The following FAM149B1 variants were observed in gnomAD, a reference collection of about 807,000 sequenced individuals.
FAM149B1 encodes family with sequence similarity 149 member B1.
In FAM149B1, 56 loss-of-function variants were observed where a neutral mutation model predicts 75.3. The observed-to-expected ratio is 0.74, with a 90% confidence interval of 0.60 to 0.93. FAM149B1 has a LOEUF of 0.93. FAM149B1 is among the 40% of genes least tolerant of loss of function. The probability of loss-of-function intolerance (pLI) is 0.00; values close to 1 mark genes in which losing one functional copy is unlikely to be tolerated. For synonymous variants in FAM149B1, 259 were observed against 256.1 expected (o/e 1.01, Z -0.11); for missense variants, 639 against 708.4 (o/e 0.90, Z 1.11).
chr10:73,204,482 A>G (rs968607930), intron 5 of FAM149B1, among the ~76,000 whole-genome samples: 2 of 152,218 alleles, frequency 1.3e-5, no homozygotes, highest in Non-Finnish European at 2.9e-5. Context: ...AAAAAAATGT[A>G]AAGAGCAATA....
Position 73,177,872 on chromosome 10 carries a change from C to G in FAM149B1, c.179C>G (p.Ser60Cys), listed in dbSNP as rs1749244375. Reference sequence around the variant, plus strand: ...AAGTCTGACATCACAAGAGAATCATCTTTTACATCAGCCGACACTGGGAAT... The same window carrying G: ...AAGTCTGACATCACAAGAGAATCATGTTTTACATCAGCCGACACTGGGAAT... ...QSKSDITRES[S>C]FTSADTGNSL... The change falls in exon 3 of 14, where the codon TCT (serine) becomes TGT (cysteine). Residue 60 changes from serine to cysteine, a missense_variant. Physicochemically the swap from Ser to Cys is moderately radical, Grantham distance 112. Transcript: ENST00000242505. 2 of 1,551,798 alleles carry G rather than the reference C, an allele frequency of 1.3e-6. No individual in the cohort carries two copies. The highest frequency in any genetic ancestry group is 1.7e-6 in the Non-Finnish European group (2 of 1,146,960).
At chr10:73,181,781 G>T (rs2042403163) in intron 3 of FAM149B1, among the ~76,000 whole-genome samples, 2 of 152,200 alleles carry the variant, frequency 1.3e-5, no homozygotes, top group East Asian at 1.9e-4. Flanking sequence ...TGCAGATTAA[G>T]TCTGATGTTT....
chr10:73,199,933 T>A (rs563340277), intron 5 of FAM149B1: 89 of 175,636 alleles, frequency 5.1e-4, no homozygotes, highest in Non-Finnish European at 8.2e-4. Flanking sequence ...TTGATAACTT[T>A]GATGATACAA....
intron 2 of FAM149B1, 48 bp from the exon 3 acceptor site, chr10:73,177,798 T>C (rs2133304804): frequency 6.6e-7 from 1 of 1,518,236 alleles, no homozygotes; most frequent in Non-Finnish European, 8.8e-7. Context: ...CTTGAGGACA[T>C]ATGAAAAATT....
At chr10:73,232,907 A>T in intron 9 of FAM149B1, 32 bp from the exon 10 acceptor site, 1 of 1,260,388 alleles carries the variant, frequency 7.9e-7, no homozygotes. Context: ...ACTGATCTTT[A>T]CTTCATTGTG....
At position 73,203,772 on chromosome 10, in the gene FAM149B1, T is replaced by C. The variant is rs1469675331; in HGVS notation, c.543-4847T>C. Among the ~76,000 whole-genome samples, 2 of 152,094 alleles carry C rather than the reference T, an allele frequency of 1.3e-5. 1 individual carries two copies. The highest frequency in any genetic ancestry group is 1.3e-4 in the Admixed American group (2 of 15,274). ...CTTCCACTTCAGCCTCCTGAGTAGC[T>C]GGGACTATAGGTGCATGCCACCATA... On this transcript the variant is annotated intron_variant, in intron 5 of 13. Transcript: ENST00000242505.
At chr10:73,200,589 A>G in intron 5 of FAM149B1, 1 of 721,832 alleles carries the variant, frequency 1.4e-6, no homozygotes, top group South Asian at 1.6e-5. Flanking sequence ...CAAGGGTTTA[A>G]GGATCAAATC....
chr10:73,211,549 T>A (rs1481674794), intron 7 of FAM149B1, among the ~76,000 whole-genome samples: 1 of 152,244 alleles, frequency 6.6e-6, no homozygotes, highest in Non-Finnish European at 1.5e-5. Flanking sequence ...TCATAGTGGG[T>A]CTGACTTATG....
intron 3 of FAM149B1, among the ~76,000 whole-genome samples, chr10:73,189,602 T>A (rs1236262549): frequency 6.6e-6 from 1 of 152,222 alleles, no homozygotes; most frequent in African/African-American, 2.4e-5. Flanking sequence ...ATAACATGAA[T>A]GAACCTCAAA....
intron 4 of FAM149B1, 22 bp downstream of exon 4, chr10:73,192,720 C>T (rs1287223802): frequency 2.7e-6 from 4 of 1,500,056 alleles, no homozygotes; most frequent in Non-Finnish European, 2.7e-6. Flanking sequence ...CTCCAGTTGA[C>T]TTGTATTCAT....
chr10:73,173,366 T>A (rs768035527), intron 1 of FAM149B1, among the ~76,000 whole-genome samples: 6 of 152,196 alleles, frequency 3.9e-5, no homozygotes, highest in Non-Finnish European at 8.8e-5. Flanking sequence ...TATGTGTGTA[T>A]ATAGTTCTTT....
chr10:73,244,043 C>A lies in FAM149B1; in HGVS notation c.*3024C>A. 1.3e-6 allele frequency: 1 copy of A among 785,888 alleles called. No homozygotes were observed. The highest frequency in any genetic ancestry group is 1.8e-5 in the South Asian group (1 of 56,652). 48.7% of individuals were successfully genotyped at this position (785,888 alleles called of 1,614,324 possible). A position where few individuals can be genotyped will look rare whatever the true frequency, so the allele number is the denominator to read the frequency against. On this transcript the variant is annotated 3_prime_UTR_variant, in exon 14 of 14. Coordinates refer to ENST00000242505, the MANE Select transcript of FAM149B1 (RefSeq NM_173348.2). Reference sequence around the variant, plus strand: ...TCAATTTTATGAATATATGAATAGACAAAATGAATCGAATTACATAACTAT... The same window carrying A: ...TCAATTTTATGAATATATGAATAGAAAAAATGAATCGAATTACATAACTAT...
chr10:73,194,032 A>G (rs2042739141), intron 5 of FAM149B1, among the ~76,000 whole-genome samples: 1 of 152,104 alleles, frequency 6.6e-6, no homozygotes, highest in African/African-American at 2.4e-5. Flanking sequence ...CTTATTATAA[A>G]GCTACCAGTT....
intron 3 of FAM149B1, chr10:73,192,155 C>A (rs925570461): frequency 3.2e-4 from 51 of 160,180 alleles, no homozygotes; most frequent in Admixed American, 1.1e-3. Flanking sequence ...CCACCTTGGT[C>A]TCCCAAAGTG....
At chr10:73,230,253 G>A (rs538333879) in intron 8 of FAM149B1, 169 bp from the exon 9 acceptor site, 43 of 542,996 alleles carry the variant, frequency 7.9e-5, no homozygotes, top group African/African-American at 6.7e-4. Context: ...CTATCACATG[G>A]ACAGTTGACT....
At position 73,244,033 on chromosome 10, in the gene FAM149B1, T is replaced by C; in HGVS notation, c.*3014T>C. 2 of 890,166 alleles carry C rather than the reference T, an allele frequency of 2.2e-6. No individual in the cohort carries two copies. Among genetic ancestry groups the C allele is most frequent in the South Asian group, 1.6e-5 (1 of 62,644 alleles). The allele number at this position is 890,166 out of a possible 1,614,324, so 55.1% of individuals were successfully genotyped here. On this transcript the variant is annotated 3_prime_UTR_variant, in exon 14 of 14. Transcript: ENST00000242505. ...TAATTCTGTTTCAATTTTATGAATA[T>C]ATGAATAGACAAAATGAATCGAATT...
chr10:73,230,446 C>T lies in FAM149B1; in HGVS notation c.1048C>T (p.His350Tyr). 2 of 1,548,080 alleles carry T rather than the reference C, an allele frequency of 1.3e-6. No individual in the cohort carries two copies. Among genetic ancestry groups the T allele is most frequent in the Non-Finnish European group, 1.7e-6 (2 of 1,143,452 alleles). The change falls in exon 9 of 14, where the codon CAT (histidine) becomes TAT (tyrosine). Residue 350 changes from histidine to tyrosine, a missense_variant. Coordinates refer to ENST00000242505, the MANE Select transcript of FAM149B1 (RefSeq NM_173348.2). ...NPMSLCQASR[H>Y]QPNVNDLLVH... ...GATGAGTCTCTGTCAAGCAAGCAGA[C>T]ATCAGCCAAATGTGAATGATCTCTT...
At chr10:73,173,908 G>A (rs1484167347) in intron 1 of FAM149B1, among the ~76,000 whole-genome samples, 2 of 152,114 alleles carry the variant, frequency 1.3e-5, no homozygotes, top group Admixed American at 1.3e-4. Flanking sequence ...TGTTGTTCAA[G>A]GTCAACTGTA....
Position 73,174,739 on chromosome 10 carries a change from G to T in FAM149B1, c.100G>T (p.Glu34Ter), listed in dbSNP as rs1240604975. 1.3e-6 allele frequency: 2 copies of T among 1,551,448 alleles called. No homozygotes were observed. Among genetic ancestry groups the T allele is most frequent in the Admixed American group, 2.0e-5 (1 of 50,998 alleles). ...LNHHPPPEKL[E>*]EISPTSDSHE... ...CCATCATCCCCCTCCAGAGAAGCTG[G>T]AGGAAATTTCCCCCACCAGTGACAG... is the stretch of plus-strand genomic sequence containing the variant. Residue 34 changes from glutamate (E) to a stop codon, truncating the protein, a stop_gained, in exon 2 of 14, where the codon GAG becomes TAG. Transcript: ENST00000242505. LOFTEE classifies it high-confidence loss of function.
Sources: allele counts gnomAD v4.1 joint callset (sites outside exome capture counted in the v4.1 genomes callset), GRCh38; gene constraint gnomAD v4.1.1; transcripts MANE v1.5; gene names NCBI Gene and HGNC (gene_info 2026-07-23, HGNC 2026-07-21).